Variants in PKNOX1 observed in about 807,000 individuals in gnomAD.
PKNOX1 encodes homeobox protein PKNOX1.
In PKNOX1, 15 loss-of-function variants were observed where a neutral mutation model predicts 51.9. The observed-to-expected ratio is 0.29, with a 90% CI of 0.19 to 0.45. The LOEUF (loss-of-function observed/expected upper bound fraction) is 0.45. PKNOX1 is among the 20% of genes least tolerant of loss of function. The pLI, the probability that PKNOX1 is intolerant of heterozygous loss-of-function variation, is 1.00. For missense variants in PKNOX1, 462 were observed against 547.5 expected (o/e 0.84, Z 1.56); for synonymous variants, 219 against 211.1 (o/e 1.04, Z -0.32).
At position 43,033,490 on chromosome 21, in the gene PKNOX1, AAT is replaced by A. The variant is rs1308320337; in HGVS notation, c.*3392_*3393del. ...ATCTTTGAAATGTGAATACTGTAAC[AAT>A]ATGTTTTCTTGGATTGTTGTCTTTA... is the stretch of plus-strand genomic sequence containing the variant. On this transcript the variant is annotated 3_prime_UTR_variant, in exon 11 of 11. Transcript: ENST00000291547. 6.6e-6 allele frequency: 1 copy of A among 152,658 alleles called. No homozygotes were observed. Among genetic ancestry groups the A allele is most frequent in the Admixed American group, 6.5e-5 (1 of 15,280 alleles). 9.5% of individuals were successfully genotyped at this position (152,658 alleles called of 1,614,324 possible). A position where few individuals can be genotyped will look rare whatever the true frequency, so the allele number is the denominator to read the frequency against.
chr21:43,015,692 C>T (rs1328097195), intron 5 of PKNOX1, among the ~76,000 whole-genome samples: 1 of 152,122 alleles, frequency 6.6e-6, no homozygotes, highest in Non-Finnish European at 1.5e-5. Context: ...TGATCTATTT[C>T]ACCTAAGATG....
At chr21:43,012,236 T>C (rs759844643) in intron 4 of PKNOX1, among the ~76,000 whole-genome samples, 1 of 152,190 alleles carries the variant, frequency 6.6e-6, no homozygotes, top group Non-Finnish European at 1.5e-5. Context: ...TGGGACAAAT[T>C]ACCCCAAAAT....
At chr21:43,006,301 T>G (rs1055728400) in intron 2 of PKNOX1, among the ~76,000 whole-genome samples, 4 of 152,064 alleles carry the variant, frequency 2.6e-5, no homozygotes, top group African/African-American at 9.7e-5. Context: ...TTTTTTTGTA[T>G]TTTTAGTAGA....
chr21:42,981,290 C>T (rs2146221405), intron 1 of PKNOX1, among the ~76,000 whole-genome samples: 1 of 152,368 alleles, frequency 6.6e-6, no homozygotes, highest in South Asian at 2.1e-4. Context: ...GCTGGCGGTG[C>T]CCTGCTCGTG....
At chr21:42,989,320 A>G (rs1365470211) in intron 1 of PKNOX1, among the ~76,000 whole-genome samples, 2 of 151,626 alleles carry the variant, frequency 1.3e-5, no homozygotes, top group African/African-American at 2.4e-5. Context: ...CATTTTTTTC[A>G]GCTTTTGTGA....
chr21:43,018,068 A>AAAAAT, intron 6 of PKNOX1, 65 bp from the exon 7 acceptor site: 1 of 825,880 alleles, frequency 1.2e-6, no homozygotes, highest in Non-Finnish European at 1.9e-6. Context: ...AAAAAAAAAA[A>AAAAAT]AAGAAGAATG....
Position 42,979,442 on chromosome 21 carries a change from G to A in PKNOX1, c.-57+4778G>A, listed in dbSNP as rs555589092. On this transcript the variant is annotated intron_variant, in intron 1 of 10. Coordinates refer to ENST00000291547, the MANE Select transcript of PKNOX1 (RefSeq NM_004571.5). ...TGCAATAAAGCAAAACACAATAAAA[G>A]GTAAAATGAGGTGCTTATAGCCAGG... Among the ~76,000 whole-genome samples the A allele has an allele frequency of 4.6e-5, 7 of 152,286 alleles. No homozygotes were observed. In the South Asian group the frequency reaches 1.4e-3, roughly 32 times the overall value.
At chr21:43,024,124 A>G (rs1979885753) in intron 8 of PKNOX1, among the ~76,000 whole-genome samples, 1 of 152,172 alleles carries the variant, frequency 6.6e-6, no homozygotes. Flanking sequence ...CCCTGGGTTC[A>G]GTTCCTTACT....
At chr21:42,987,398 A>ATATATATAT (rs1555858083) in intron 1 of PKNOX1, among the ~76,000 whole-genome samples, 136 of 91,816 alleles carry the variant, frequency 1.5e-3, no homozygotes, top group African/African-American at 6.5e-3. Flanking sequence ...AAAAAAAAAA[A>ATATATATAT]AAAAAAATAT....
chr21:42,982,778 C>T (rs937638243), intron 1 of PKNOX1, among the ~76,000 whole-genome samples: 16 of 150,166 alleles, frequency 1.1e-4, no homozygotes, highest in Middle Eastern at 3.5e-3. Flanking sequence ...CTAAACTTTA[C>T]GTTCTTCTAA....
At position 43,017,017 on chromosome 21, in the gene PKNOX1, C is replaced by G. The variant is rs1177938342; in HGVS notation, c.622+10C>G. The stretch of plus-strand genomic sequence containing the variant: ...ATGGCGACGGTGGCAGGTACGATGA[C>G]AGAAAAATGGACACACTCTCCATGA... On this transcript the variant is annotated intron_variant, in intron 6 of 10. Coordinates refer to ENST00000291547, the MANE Select transcript of PKNOX1 (RefSeq NM_004571.5). 1.3e-6 allele frequency: 2 copies of G among 1,590,320 alleles called. No individual in the cohort carries two copies. The highest frequency in any genetic ancestry group is 2.7e-5 in the African/African-American group (2 of 74,490).
At chr21:42,974,935 T>G (rs1241782572) in intron 1 of PKNOX1, among the ~76,000 whole-genome samples, 102 of 137,344 alleles carry the variant, frequency 7.4e-4, no homozygotes, top group African/African-American at 2.7e-3. Flanking sequence ...GGTTTCTTAG[T>G]GTGGGTTGAG....
rs374850489 is a variant in PKNOX1, at chr21:43,016,268, C to T, written c.523-640C>T. Among the ~76,000 whole-genome samples the T allele has an allele frequency of 5.3e-5, 8 of 152,338 alleles. No individual in the cohort carries two copies. In the South Asian group the frequency reaches 6.2e-4, roughly 12 times the overall value. On this transcript the variant is annotated intron_variant, in intron 5 of 10. Coordinates refer to ENST00000291547, the MANE Select transcript of PKNOX1 (RefSeq NM_004571.5). ...TAAAGTGGCCCATGTGGATCTAACC[C>T]CAGATGCATAGAGTCCTCCATGGGG... is the stretch of plus-strand genomic sequence containing the variant.
chr21:43,028,900 C>T (rs1980103127), intron 10 of PKNOX1, 26 bp downstream of exon 10: 2 of 1,607,680 alleles, frequency 1.2e-6, no homozygotes, highest in Non-Finnish European at 1.7e-6. Context: ...CAAGGCCAGA[C>T]ATGGTGGACC....
At chr21:42,976,249 A>G (rs2058996955) in intron 1 of PKNOX1, among the ~76,000 whole-genome samples, 1 of 152,124 alleles carries the variant, frequency 6.6e-6, no homozygotes, top group African/African-American at 2.4e-5. Context: ...CATTATATCT[A>G]TAAAAATGTG....
rs148234401 is a variant in PKNOX1, at chr21:42,978,164, C to T, written c.-57+3500C>T. 3.3e-4 allele frequency among the ~76,000 whole-genome samples: 50 copies of T among 152,088 alleles called. No homozygotes were observed. In the Middle Eastern group the frequency reaches 0.01, roughly 31 times the overall value. ...GGGATAACAGGTGTGCAGCATGTGT[C>T]CAGCTAATTTTTGTATTATTAGTAG... is the stretch of plus-strand genomic sequence containing the variant. On this transcript the variant is annotated intron_variant, in intron 1 of 10. Transcript: ENST00000291547.
chr21:43,018,092 A>G (rs1979574346), intron 6 of PKNOX1, 41 bp from the exon 7 acceptor site: 2 of 807,868 alleles, frequency 2.5e-6, no homozygotes, highest in Non-Finnish European at 2.1e-6. Flanking sequence ...TAAATCATTG[A>G]GACTTAAAAG....
Position 42,978,446 on chromosome 21 carries a change from G to T in PKNOX1, c.-57+3782G>T, listed in dbSNP as rs143402526. On this transcript the variant is annotated intron_variant, in intron 1 of 10. Transcript: ENST00000291547. Reference sequence around the variant, plus strand: ...AAAATTGGAAAGAAACTTCTGCTTTGCATTTACAACTTGGCTAACTTGTTT... The same window carrying T: ...AAAATTGGAAAGAAACTTCTGCTTTTCATTTACAACTTGGCTAACTTGTTT... Among the ~76,000 whole-genome samples, 492 of 147,734 alleles carry T rather than the reference G, an allele frequency of 3.3e-3. 3 individuals are homozygous for T. Among genetic ancestry groups the T allele is most frequent in the African/African-American group, 0.012 (474 of 40,012 alleles).
chr21:43,013,257 C>A lies in PKNOX1; in HGVS notation c.522+19C>A. 1 of 1,537,576 alleles carries A rather than the reference C, an allele frequency of 6.5e-7. No individual in the cohort carries two copies. The highest frequency in any genetic ancestry group is 8.8e-7 in the Non-Finnish European group (1 of 1,134,658). ...GTCCCAGGTACTTACATTTGGGGGTCTCGCTTTCCCTCTCTGCCACTGTGA... is the reference window on the plus strand; with the variant it reads ...GTCCCAGGTACTTACATTTGGGGGTATCGCTTTCCCTCTCTGCCACTGTGA... On this transcript the variant is annotated intron_variant, in intron 5 of 10. Transcript: ENST00000291547.
Sources: allele counts gnomAD v4.1 joint callset (sites outside exome capture counted in the v4.1 genomes callset), GRCh38; gene constraint gnomAD v4.1.1; transcripts MANE v1.5; gene names NCBI Gene and HGNC (gene_info 2026-07-23, HGNC 2026-07-21).